C12orf56: variants seen among roughly 807,000 people sequenced by gnomAD.
C12orf56 encodes the protein uncharacterized protein C12orf56.
Under a neutral mutation model 69.9 loss-of-function variants are expected in C12orf56, and 71 were observed. That is an observed-to-expected ratio of 1.02 (90% CI 0.84 to 1.24). The LOEUF is 1.24. C12orf56 is among the 50% of genes most tolerant of loss of function. The pLI, the probability that C12orf56 is intolerant of heterozygous loss-of-function variation, is 0.00. For missense variants in C12orf56, 732 were observed against 738.5 expected (o/e 0.99, Z 0.10); for synonymous variants, 276 against 274.1 (o/e 1.01, Z -0.07).
chr12:64,389,363 G>GC (rs1183400926), intron 1 of C12orf56: 1 of 152,316 alleles, frequency 6.6e-6, no homozygotes. Flanking sequence ...TAGCGTCGAC[G>GC]CCCCTCCTTC....
intron 1 of C12orf56, among the ~76,000 whole-genome samples, chr12:64,371,264 G>A (rs764751206): frequency 6.6e-6 from 1 of 151,748 alleles, no homozygotes; most frequent in Non-Finnish European, 1.5e-5. Flanking sequence ...AACATTAGCC[G>A]GGAGTGGTGG....
At chr12:64,275,776 AT>A (rs2038043008) in intron 9 of C12orf56, among the ~76,000 whole-genome samples, 2 of 151,558 alleles carry the variant, frequency 1.3e-5, no homozygotes, top group African/African-American at 4.9e-5. Context: ...GTAATTTTTG[AT>A]TTTTTATTTT....
Position 64,356,327 on chromosome 12 carries a change from C to G in C12orf56, c.253-3271G>C, listed in dbSNP as rs1313949393. Among the ~76,000 whole-genome samples the G allele has an allele frequency of 2.0e-5, 3 of 152,210 alleles. No homozygotes were observed. The East Asian group carries it at 5.8e-4, about 29-fold the overall frequency. ...TCTTGTTAGAAACAAATGCTTGTTC[C>G]TCAGTGCTGAAAAGAACTAGTGCTC... On this transcript the variant is annotated intron_variant, in intron 1 of 12. Transcript: ENST00000543942.
intron 5 of C12orf56, among the ~76,000 whole-genome samples, chr12:64,305,799 T>G (rs1217025590): frequency 1.3e-5 from 2 of 152,240 alleles, no homozygotes; most frequent in African/African-American, 4.8e-5. Flanking sequence ...TATCCACTTC[T>G]AATTACCACC....
Position 64,292,670 on chromosome 12 carries a change from CA to C in C12orf56, c.1114-6611del, listed in dbSNP as rs1380342609. Among the ~76,000 whole-genome samples, 11 of 25,238 alleles carry C rather than the reference CA, an allele frequency of 4.4e-4. No homozygotes were observed. The Admixed American group carries it at 4.8e-3, about 11-fold the overall frequency. 16.6% of individuals were successfully genotyped at this position (25,238 alleles called of 152,430 possible). On this transcript the variant is annotated intron_variant, in intron 6 of 12. Coordinates refer to ENST00000543942, the MANE Select transcript of C12orf56 (RefSeq NM_001170633.2). ...CCTCCCAGTTAGGCTGCTCGGGGGT[CA>C]GGGGTCAGGGACCCACTTGAGGAGG...
At chr12:64,299,275 G>A (rs1037086614) in intron 6 of C12orf56, among the ~76,000 whole-genome samples, 3 of 152,170 alleles carry the variant, frequency 2.0e-5, no homozygotes, top group East Asian at 1.9e-4. Context: ...TAAGCTTAAG[G>A]AGATTTGGGC....
chr12:64,299,575 C>A (rs2038417080), intron 6 of C12orf56, among the ~76,000 whole-genome samples: 1 of 152,090 alleles, frequency 6.6e-6, no homozygotes, highest in South Asian at 2.1e-4. Context: ...ACTTACAGCA[C>A]CTGGAATATG....
chr12:64,384,186 C>T (rs1031218138), intron 1 of C12orf56, among the ~76,000 whole-genome samples: 1 of 152,072 alleles, frequency 6.6e-6, no homozygotes, highest in Admixed American at 6.6e-5. Flanking sequence ...TGGCAGGACT[C>T]GGATTTGAAG....
intron 3 of C12orf56, among the ~76,000 whole-genome samples, chr12:64,329,877 T>A (rs1049721274): frequency 2.6e-5 from 4 of 151,854 alleles, no homozygotes; most frequent in Admixed American, 6.6e-5. Context: ...TATGGCTGCA[T>A]AGTATTCCAT....
At chr12:64,348,103 A>AC (rs397963092) in intron 2 of C12orf56, among the ~76,000 whole-genome samples, 1 of 151,392 alleles carries the variant, frequency 6.6e-6, no homozygotes, top group East Asian at 1.9e-4. Flanking sequence ...ACATGGCAAA[A>AC]CCCCATCTCT....
At chr12:64,362,521 A>G (rs1311283024) in intron 1 of C12orf56, among the ~76,000 whole-genome samples, 1 of 152,078 alleles carries the variant, frequency 6.6e-6, no homozygotes, top group Non-Finnish European at 1.5e-5. Context: ...GTGAAACCCC[A>G]TCTCTACTAA....
rs7316202 is a variant in C12orf56 at position 64,312,514 on chromosome 12, C to T, written c.968+165G>A. Among the ~76,000 whole-genome samples the T allele has an allele frequency of 8.1e-3, 1,231 of 152,200 alleles. 17 individuals are homozygous for T. The highest frequency in any genetic ancestry group is 0.028 in the African/African-American group (1,163 of 41,514). ...GTGCTAGCTACTTAGGAGGCTGAGG[C>T]AGGAGAATCTCTTGAGCCCAGGAGG... On this transcript the variant is annotated intron_variant, in intron 5 of 12. Coordinates refer to ENST00000543942, the MANE Select transcript of C12orf56 (RefSeq NM_001170633.2).
Position 64,338,787 on chromosome 12 carries a change from G to C in C12orf56, c.416-7755C>G, listed in dbSNP as rs796582395. 1.6e-5 allele frequency: 21 copies of C among 1,295,186 alleles called. No individual in the cohort carries two copies. The South Asian group carries it at 2.5e-4, about 15-fold the overall frequency. The allele number at this position is 1,295,186 out of a possible 1,614,324, so 80.2% of individuals were successfully genotyped here. A position where few individuals can be genotyped will look rare whatever the true frequency, so the allele number is the denominator to read the frequency against. ...TGCTTTTGCATGTCAGCATTGCTGA[G>C]AGCCATGGTGAGAGCAAAGCTAGGC... On this transcript the variant is annotated intron_variant, in intron 2 of 12. Coordinates refer to ENST00000543942, the MANE Select transcript of C12orf56 (RefSeq NM_001170633.2).
intron 1 of C12orf56, among the ~76,000 whole-genome samples, chr12:64,385,588 C>T (rs935825487): frequency 1.3e-5 from 2 of 152,118 alleles, no homozygotes; most frequent in African/African-American, 4.8e-5. Flanking sequence ...TGGCACCACC[C>T]AGATCGATTA....
intron 1 of C12orf56, among the ~76,000 whole-genome samples, chr12:64,360,219 G>A (rs899019991): frequency 6.6e-6 from 1 of 151,962 alleles, no homozygotes; most frequent in Non-Finnish European, 1.5e-5. Context: ...GAGGCCAGGA[G>A]TTCAAGACCA....
intron 9 of C12orf56, among the ~76,000 whole-genome samples, chr12:64,276,423 C>A (rs902580895): frequency 9.2e-5 from 14 of 152,198 alleles, no homozygotes; most frequent in African/African-American, 3.1e-4. Context: ...TGGCCAATAT[C>A]TTTCCTTACC....
chr12:64,359,371 G>C (rs950480701), intron 1 of C12orf56, among the ~76,000 whole-genome samples: 1 of 152,014 alleles, frequency 6.6e-6, no homozygotes, highest in African/African-American at 2.4e-5. Context: ...AAATAAATGT[G>C]TATGTTTTTC....
intron 2 of C12orf56, among the ~76,000 whole-genome samples, chr12:64,334,456 T>C (rs2038968095): frequency 6.6e-6 from 1 of 152,226 alleles, no homozygotes; most frequent in Non-Finnish European, 1.5e-5. Context: ...GAAAATGGTA[T>C]AGTATTTTCA....
chr12:64,311,259 ACT>A (rs1013256102), intron 5 of C12orf56, among the ~76,000 whole-genome samples: 2 of 151,974 alleles, frequency 1.3e-5, no homozygotes, highest in African/African-American at 4.8e-5. Flanking sequence ...ACATGGTGAA[ACT>A]CAGTCTCTAC....
Sources: gnomAD v4.1 joint callset for allele counts (sites outside exome capture counted in the v4.1 genomes callset) on GRCh38, gnomAD v4.1.1 for gene constraint, MANE v1.5 for transcripts, NCBI Gene and HGNC (gene_info 2026-07-23, HGNC 2026-07-21) for gene names.